The following PRKN variants were observed in gnomAD, a reference collection of about 807,000 sequenced individuals.
PRKN encodes the protein parkin RBR E3 ubiquitin protein ligase, also known as E3 ubiquitin-protein ligase parkin.
A neutral mutation model predicts 59.5 loss-of-function variants in PRKN; 56 were observed. The ratio of observed to expected loss-of-function variants is 0.94; its 90% CI spans 0.76 to 1.18. PRKN has a LOEUF of 1.18. Ranked by LOEUF, PRKN falls within the 50% of genes most tolerant of loss-of-function variation. PRKN has a pLI of 0.00. For missense variants in PRKN, 657 were observed against 596.4 expected (o/e 1.10, Z -1.06); for synonymous variants, 250 against 222.1 (o/e 1.13, Z -1.12).
intron 1 of PRKN, among the ~76,000 whole-genome samples, chr6:162,578,191 A>G (rs1780640014): frequency 6.6e-6 from 1 of 152,208 alleles, no homozygotes; most frequent in Non-Finnish European, 1.5e-5. Flanking sequence ...AGTAATCCAC[A>G]ACCAAAATAT....
intron 1 of PRKN, among the ~76,000 whole-genome samples, chr6:162,598,637 G>A (rs1781579650): frequency 6.6e-6 from 1 of 152,088 alleles, no homozygotes; most frequent in Non-Finnish European, 1.5e-5. Context: ...CGGATAACCT[G>A]AGGCCAGGAG....
chr6:162,060,441 A>G (rs935151121), intron 4 of PRKN, among the ~76,000 whole-genome samples: 6 of 152,244 alleles, frequency 3.9e-5, no homozygotes, highest in Admixed American at 6.5e-5. Context: ...AAACACGTCT[A>G]TATGATGCAT....
At chr6:162,577,130 C>T (rs1780589340) in intron 1 of PRKN, among the ~76,000 whole-genome samples, 1 of 151,772 alleles carries the variant, frequency 6.6e-6, no homozygotes, top group African/African-American at 2.4e-5. Context: ...ATAATCATAA[C>T]CAAAGAGAGT....
At chr6:161,699,189 AC>A (rs1045200316) in intron 7 of PRKN, among the ~76,000 whole-genome samples, 13 of 152,224 alleles carry the variant, frequency 8.5e-5, no homozygotes, top group South Asian at 2.1e-4. Flanking sequence ...TTAGAATAAA[AC>A]CAAAATTTAA....
chr6:162,473,670 C>A (rs979491492), intron 1 of PRKN, among the ~76,000 whole-genome samples: 1 of 151,392 alleles, frequency 6.6e-6, no homozygotes, highest in Admixed American at 6.6e-5. Flanking sequence ...TTTTTTGTAC[C>A]AAGTTTTTGA....
chr6:161,967,939 A>T (rs1453748919), intron 6 of PRKN, among the ~76,000 whole-genome samples: 1 of 152,120 alleles, frequency 6.6e-6, no homozygotes, highest in East Asian at 1.9e-4. Context: ...TGTCTCAGGG[A>T]GGGTGAAGGA....
intron 5 of PRKN, among the ~76,000 whole-genome samples, chr6:162,023,584 A>T (rs1247523895): frequency 2.0e-5 from 3 of 151,958 alleles, no homozygotes; most frequent in Non-Finnish European, 4.4e-5. Context: ...CTCCACGACT[A>T]GCGGCTTGCA....
At chr6:162,531,419 A>G (rs1778509652) in intron 1 of PRKN, among the ~76,000 whole-genome samples, 1 of 152,150 alleles carries the variant, frequency 6.6e-6, no homozygotes, top group Non-Finnish European at 1.5e-5. Flanking sequence ...TAATTACTCA[A>G]ATCAGTCTCC....
intron 10 of PRKN, among the ~76,000 whole-genome samples, chr6:161,384,089 C>G (rs966226826): frequency 6.6e-6 from 1 of 152,158 alleles, no homozygotes; most frequent in Non-Finnish European, 1.5e-5. Context: ...TGTGGATTAA[C>G]TATACCTCCT....
chr6:161,704,997 C>T (rs1786421142), intron 7 of PRKN, among the ~76,000 whole-genome samples: 1 of 152,186 alleles, frequency 6.6e-6, no homozygotes, highest in Non-Finnish European at 1.5e-5. Context: ...AGAATAGGCA[C>T]TGGCGTTTCT....
At chr6:162,275,182 T>A (rs1025110527) in intron 2 of PRKN, 6 of 151,668 alleles carry the variant, frequency 4.0e-5, no homozygotes, top group African/African-American at 1.5e-4. Flanking sequence ...GCTGCTTTGT[T>A]CTTCAAGAAG....
At chr6:161,910,539 G>C (rs1189488116) in intron 6 of PRKN, among the ~76,000 whole-genome samples, 2 of 152,198 alleles carry the variant, frequency 1.3e-5, no homozygotes. Flanking sequence ...ACAGGCATGA[G>C]CCACTGCGCC....
chr6:161,558,434 A>G (rs924575348), intron 8 of PRKN, among the ~76,000 whole-genome samples: 5 of 152,012 alleles, frequency 3.3e-5, no homozygotes, highest in East Asian at 1.9e-4. Context: ...GCATGGTGGC[A>G]TGTACCTGTA....
chr6:162,533,970 CAAAAA>C (rs139214272), intron 1 of PRKN, among the ~76,000 whole-genome samples: 2 of 82,928 alleles, frequency 2.4e-5, no homozygotes, highest in African/African-American at 5.4e-5. Flanking sequence ...GACTCCATCT[CAAAAA>C]AAAAAAAAAA....
intron 2 of PRKN, among the ~76,000 whole-genome samples, chr6:162,290,016 G>A (rs1169938390): frequency 2.7e-4 from 41 of 152,168 alleles, no homozygotes; most frequent in Admixed American, 2.7e-3. Context: ...TTGAAAAATA[G>A]AGAAAGTTTC....
intron 4 of PRKN, among the ~76,000 whole-genome samples, chr6:162,189,770 T>A (rs1046275596): frequency 6.6e-6 from 1 of 152,050 alleles, no homozygotes; most frequent in South Asian, 2.1e-4. Context: ...TATTGGTTTA[T>A]ACTGACCTTT....
chr6:162,103,456 G>A (rs1043970557), intron 4 of PRKN, among the ~76,000 whole-genome samples: 5 of 152,148 alleles, frequency 3.3e-5, no homozygotes, highest in African/African-American at 9.6e-5. Flanking sequence ...TAATACGGAC[G>A]CAATGACTTA....
chr6:162,568,896 A>T, intron 1 of PRKN: 1 of 689,340 alleles, frequency 1.5e-6, no homozygotes. Context: ...ATTTATCCTC[A>T]TCAGGAAGGA....
At chr6:161,877,893 G>A (rs1202904893) in intron 6 of PRKN, among the ~76,000 whole-genome samples, 1 of 152,106 alleles carries the variant, frequency 6.6e-6, no homozygotes, top group East Asian at 1.9e-4. Context: ...ATTCCCCCGT[G>A]TAGACAGTGA....
Sources: gnomAD v4.1 joint callset for allele counts (sites outside exome capture counted in the v4.1 genomes callset) on GRCh38, gnomAD v4.1.1 for gene constraint, MANE v1.5 for transcripts, NCBI Gene and HGNC (gene_info 2026-07-23, HGNC 2026-07-21) for gene names.